The following CHD5 variants were observed in gnomAD, a reference collection of about 807,000 sequenced individuals.
CHD5 encodes chromodomain helicase DNA binding protein 5.
In CHD5, 69 loss-of-function variants were observed where a neutral mutation model predicts 230.3. The ratio of observed to expected loss-of-function variants is 0.30; its 90% CI spans 0.25 to 0.37. CHD5 has a LOEUF of 0.37. Ranked by LOEUF, CHD5 falls within the 10% of genes least tolerant of loss-of-function variation. CHD5 has a pLI of 1.00. For missense variants in CHD5, 1,827 were observed against 2,622.8 expected (o/e 0.70, Z 6.63); for synonymous variants, 1,064 against 1,065.9 (o/e 1.00, Z 0.03).
chr1:6,166,318 C>A (rs1667254300), intron 2 of CHD5, among the ~76,000 whole-genome samples: 1 of 151,424 alleles, frequency 6.6e-6, no homozygotes, highest in Non-Finnish European at 1.5e-5. Context: ...GGGTGCTGCA[C>A]AGGCTCTGGA....
At position 6,155,743 on chromosome 1, in the gene CHD5, A is replaced by G. The variant is rs1451799402; in HGVS notation, c.388-26T>C. On this transcript the variant is annotated intron_variant, in intron 3 of 41. Transcript: ENST00000262450. This position sits in a 1 kb window ranked among gnomAD's most constrained non-coding sequence, Gnocchi z 4.0. ...CTACAGAGACCCAGGCCAGAGGTAG[A>G]GTTGTTGAGGGGCCTTCTGACCTGC... is the stretch of plus-strand genomic sequence containing the variant. 6.3e-7 allele frequency: 1 copy of G among 1,590,470 alleles called. No individual in the cohort carries two copies. The highest frequency in any genetic ancestry group is 1.1e-5 in the South Asian group (1 of 90,602).
At chr1:6,110,682 T>C (rs903750883) in intron 36 of CHD5, among the ~76,000 whole-genome samples, 156 bp from the exon 37 acceptor site, 1 of 152,130 alleles carries the variant, frequency 6.6e-6, no homozygotes, top group Non-Finnish European at 1.5e-5. Context: ...GAGGAACATA[T>C]TGATGACACA....
intron 1 of CHD5, 152 bp from the exon 2 acceptor site, chr1:6,168,429 A>G: frequency 2.3e-6 from 2 of 863,288 alleles, no homozygotes; most frequent in Non-Finnish European, 3.5e-6. Context: ...CAGTGAAGTG[A>G]GAGAACACAG....
At position 6,154,748 on chromosome 1, in the gene CHD5, C is replaced by T. The variant is rs369086130; in HGVS notation, c.657G>A (p.Thr219=). Residue 219 remains threonine (T), a synonymous_variant, in exon 5 of 42, where the codon ACG becomes ACA. Coordinates refer to ENST00000262450, the MANE Select transcript of CHD5 (RefSeq NM_015557.3). This position sits in a 1 kb window ranked among gnomAD's most constrained non-coding sequence, Gnocchi z 7.0. ...AAAAVAAAVE[T]VTISPPLAVS... is the part of the protein sequence containing the mutation. ...CGGCTAGCGGAGGGGAGATGGTGACCGTCTCTACAGCCGCAGCCACCGCCG... is the reference window on the plus strand; with the variant it reads ...CGGCTAGCGGAGGGGAGATGGTGACTGTCTCTACAGCCGCAGCCACCGCCG... 5.6e-6 allele frequency: 9 copies of T among 1,611,322 alleles called. No individual in the cohort carries two copies. Among genetic ancestry groups the T allele is most frequent in the South Asian group, 2.2e-5 (2 of 90,924 alleles).
intron 15 of CHD5, among the ~76,000 whole-genome samples, chr1:6,140,694 G>T (rs1422892730): frequency 1.3e-5 from 2 of 152,014 alleles, no homozygotes; most frequent in African/African-American, 2.4e-5. Context: ...TTGGAAATAG[G>T]GTCTTTGCAG....
At chr1:6,117,369 G>T (rs1230086333) in intron 33 of CHD5, among the ~76,000 whole-genome samples, 1 of 152,036 alleles carries the variant, frequency 6.6e-6, no homozygotes, top group African/African-American at 2.4e-5. Context: ...AGAAATGAAA[G>T]AAAATATTTG....
intron 2 of CHD5, among the ~76,000 whole-genome samples, chr1:6,164,425 G>A (rs1323272904): frequency 2.6e-5 from 4 of 152,222 alleles, no homozygotes; most frequent in Admixed American, 1.3e-4. Context: ...TCCTGCGCTC[G>A]CTAGGGTCTG....
Position 6,166,059 on chromosome 1 carries a change from AG to A in CHD5, c.207+2090del, listed in dbSNP as rs543334103. Among the ~76,000 whole-genome samples, 9 of 151,826 alleles carry A rather than the reference AG, an allele frequency of 5.9e-5. No homozygotes were observed. In the South Asian group the frequency reaches 1.5e-3, roughly 25 times the overall value. On this transcript the variant is annotated intron_variant, in intron 2 of 41. Transcript: ENST00000262450. The stretch of plus-strand genomic sequence containing the variant: ...CAGCCCCCATGCTGGCCCAGTGGTA[AG>A]GGGGGGTTCCCGGGAAGGGACAGAC...
chr1:6,159,282 GC>G, intron 3 of CHD5, 53 bp downstream of exon 3: 2 of 1,546,188 alleles, frequency 1.3e-6, no homozygotes, highest in South Asian at 2.4e-5. Flanking sequence ...AAGAGGCTCA[GC>G]CCCCTTAAAG....
chr1:6,152,897 A>T (rs1667028275), intron 5 of CHD5, among the ~76,000 whole-genome samples: 2 of 152,094 alleles, frequency 1.3e-5, no homozygotes. Context: ...ACAGCCGCCC[A>T]CCTGTGGTCC....
At chr1:6,111,970 G>A in intron 35 of CHD5, 87 bp from the exon 36 acceptor site, 1 of 1,402,828 alleles carries the variant, frequency 7.1e-7, no homozygotes, top group Non-Finnish European at 9.9e-7. Context: ...CTCCCTACTT[G>A]CCACTGCCTC....
At position 6,104,145 on chromosome 1, in the gene CHD5, T is replaced by G. The variant is rs750541380; in HGVS notation, c.*1329A>C. The G allele has an allele frequency of 3.3e-5, 5 of 152,222 alleles. No individual in the cohort carries two copies. Among genetic ancestry groups the G allele is most frequent in the Non-Finnish European group, 5.9e-5 (4 of 68,068 alleles). 9.4% of individuals were successfully genotyped at this position (152,222 alleles called of 1,614,324 possible). Reference sequence around the variant, plus strand: ...AAACAGGCCTAGGGAGGGCCTGACCTGCTCCCCATCTCCGTCCCCAACTTG... The same window carrying G: ...AAACAGGCCTAGGGAGGGCCTGACCGGCTCCCCATCTCCGTCCCCAACTTG... On this transcript the variant is annotated 3_prime_UTR_variant, in exon 42 of 42. Transcript: ENST00000262450.
At chr1:6,157,531 G>A (rs545025141) in intron 3 of CHD5, among the ~76,000 whole-genome samples, 17 of 152,284 alleles carry the variant, frequency 1.1e-4, no homozygotes, top group African/African-American at 3.4e-4. Context: ...CCTAGGCCCC[G>A]GAGCTGGGCT....
At chr1:6,179,902 G>T (rs905977187) in intron 1 of CHD5, 43 bp downstream of exon 1, 2 of 1,137,790 alleles carry the variant, frequency 1.8e-6, no homozygotes, top group Non-Finnish European at 2.2e-6. Flanking sequence ...CCGTCTCGGC[G>T]CCCCCGCCGC....
At position 6,174,513 on chromosome 1, in the gene CHD5, G is replaced by GTGGA. The variant is rs113035924; in HGVS notation, c.79+5428_79+5431dup. ...GGATGGATAGATGGATGGATGGTGG[G>GTGGA]TGGATGGATGGATGGATGGATGGAT... On this transcript the variant is annotated intron_variant, in intron 1 of 41. Transcript: ENST00000262450. 3.8e-3 allele frequency among the ~76,000 whole-genome samples: 567 copies of GTGGA among 148,904 alleles called. 2 individuals carry two copies. Among genetic ancestry groups the GTGGA allele is most frequent in the African/African-American group, 0.012 (491 of 39,362 alleles).
At chr1:6,170,112 T>C (rs1355604903) in intron 1 of CHD5, among the ~76,000 whole-genome samples, 1 of 152,068 alleles carries the variant, frequency 6.6e-6, no homozygotes, top group Non-Finnish European at 1.5e-5. Context: ...CACCTACAGC[T>C]GGCAGTGTTG....
rs1010062027 is a variant in CHD5, at chr1:6,126,428, G to A, written c.4078+144C>T. ...TGCCCCACCCTCCGCCTCTGGGTATGGGACACCCATCCCTCCTGGCACACT... is the reference window on the plus strand; with the variant it reads ...TGCCCCACCCTCCGCCTCTGGGTATAGGACACCCATCCCTCCTGGCACACT... On this transcript the variant is annotated intron_variant, in intron 26 of 41. Coordinates refer to ENST00000262450, the MANE Select transcript of CHD5 (RefSeq NM_015557.3). The surrounding 1 kb of genome is among the most constrained non-coding windows in gnomAD (Gnocchi z 5.7). 3.1e-5 allele frequency: 21 copies of A among 688,280 alleles called. No individual in the cohort carries two copies. The highest frequency in any genetic ancestry group is 5.4e-5 in the Non-Finnish European group (21 of 392,034). The allele number at this position is 688,280 out of a possible 1,614,324, so 42.6% of individuals were successfully genotyped here.
intron 33 of CHD5, among the ~76,000 whole-genome samples, chr1:6,113,872 T>C (rs1344744814): frequency 1.3e-5 from 2 of 152,068 alleles, no homozygotes; most frequent in East Asian, 1.9e-4. Flanking sequence ...ACACCGCCCA[T>C]GAAACCTCCC....
chr1:6,110,928 G>A (rs12142108), intron 36 of CHD5, among the ~76,000 whole-genome samples: 56,261 of 152,040 alleles, frequency 0.37, 10,699 homozygotes, highest in South Asian at 0.46. Flanking sequence ...TGGGATGCTT[G>A]TAAGAAGAGG....
Sources: allele counts gnomAD v4.1 joint callset (sites outside exome capture counted in the v4.1 genomes callset), GRCh38; gene constraint gnomAD v4.1.1; non-coding constraint Gnocchi (gnomAD v3.1); transcripts MANE v1.5; gene names NCBI Gene and HGNC (gene_info 2026-07-23, HGNC 2026-07-21).